WIPI2: variants seen among roughly 807,000 people sequenced by gnomAD.
WIPI2 encodes the protein WD repeat domain, phosphoinositide interacting 2, also known as WD repeat domain phosphoinositide-interacting protein 2.
WIPI2 carries 28 observed loss-of-function variants against 52.3 expected under a neutral mutation model. The observed-to-expected ratio is 0.54, with a 90% CI of 0.40 to 0.73. The LOEUF (loss-of-function observed/expected upper bound fraction) is 0.73. Ranked by LOEUF, WIPI2 falls within the 30% of genes least tolerant of loss-of-function variation. The pLI is 0.00. For synonymous variants in WIPI2, 268 were observed against 245.0 expected (o/e 1.09, Z -0.88); for missense variants, 506 against 602.9 (o/e 0.84, Z 1.68).
At chr7:5,216,533 A>G (rs1277366889) in intron 4 of WIPI2, 30 bp from the exon 5 acceptor site, 12 of 1,602,104 alleles carry the variant, frequency 7.5e-6, no homozygotes, top group Non-Finnish European at 9.4e-6. Context: ...CCGTTGCTTC[A>G]CGTTTGGTTT....
Position 5,229,536 on chromosome 7 carries a change from G to A in WIPI2, c.1122-72G>A, listed in dbSNP as rs575118732. 6 of 1,541,380 alleles carry A rather than the reference G, an allele frequency of 3.9e-6. No individual in the cohort carries two copies. In the East Asian group the frequency reaches 1.4e-4, roughly 37 times the overall value. ...GGTGTGCTGGCTCTGTTGCCGCAGGGCAGCCAGTGTGTACTGCCCGCAGGG... is the reference window on the plus strand; with the variant it reads ...GGTGTGCTGGCTCTGTTGCCGCAGGACAGCCAGTGTGTACTGCCCGCAGGG... On this transcript the variant is annotated intron_variant, in intron 11 of 12. Transcript: ENST00000288828.
Position 5,221,427 on chromosome 7 carries a change from G to A in WIPI2, c.670-1175G>A, listed in dbSNP as rs544990615. Among the ~76,000 whole-genome samples, 3 of 152,272 alleles carry A rather than the reference G, an allele frequency of 2.0e-5. No individual in the cohort carries two copies. The East Asian group carries it at 5.8e-4, about 29-fold the overall frequency. The stretch of plus-strand genomic sequence containing the variant: ...TAACAGTTTGAACCTCCTAAAATTT[G>A]TATAGTAGGAGGGTGAATGTTGAAT... On this transcript the variant is annotated intron_variant, in intron 7 of 12. Transcript: ENST00000288828.
chr7:5,211,247 G>A (rs1782545435), intron 3 of WIPI2, among the ~76,000 whole-genome samples: 1 of 152,172 alleles, frequency 6.6e-6, no homozygotes, highest in Non-Finnish European at 1.5e-5. Context: ...TGAGGCGGGT[G>A]CATCACCTGA....
rs1319465222 is a variant in WIPI2 at position 5,227,479 on chromosome 7, C to T, written c.1013+135C>T. 9.4e-6 allele frequency: 12 copies of T among 1,282,134 alleles called. No homozygotes were observed. Among genetic ancestry groups the T allele is most frequent in the South Asian group, 4.5e-5 (3 of 66,662 alleles). The allele number at this position is 1,282,134 out of a possible 1,614,324, so 79.4% of individuals were successfully genotyped here. ...GAGCCGACACTCCATCGAGAGTTGT[C>T]GGGGATGGGAGGTCCCCTGGCAGGC... On this transcript the variant is annotated intron_variant, in intron 10 of 12. Transcript: ENST00000288828. This position sits in a 1 kb window ranked among gnomAD's most constrained non-coding sequence, Gnocchi z 8.1.
At chr7:5,221,152 G>A (rs546724418) in intron 7 of WIPI2, among the ~76,000 whole-genome samples, 30 of 151,936 alleles carry the variant, frequency 2.0e-4, no homozygotes, top group African/African-American at 1.9e-4. Flanking sequence ...TAGTAGAGAC[G>A]GGGTTTCACC....
rs1782771129 is a variant in WIPI2, at chr7:5,215,518, C to G, written c.381+814C>G. Among the ~76,000 whole-genome samples the G allele has an allele frequency of 2.0e-5, 3 of 152,214 alleles. No individual in the cohort carries two copies. In the South Asian group the frequency reaches 6.2e-4, roughly 32 times the overall value. ...GCTCACGCCCAGGGTAACAGCACCA[C>G]CCGGGAGACCCCTGGCAATCTGATT... is the stretch of plus-strand genomic sequence containing the variant. On this transcript the variant is annotated intron_variant, in intron 4 of 12. Coordinates refer to ENST00000288828, the MANE Select transcript of WIPI2 (RefSeq NM_015610.4).
At chr7:5,229,846 G>T in intron 12 of WIPI2, 108 bp downstream of exon 12, 1 of 1,490,646 alleles carries the variant, frequency 6.7e-7, no homozygotes, top group East Asian at 2.4e-5. Flanking sequence ...TGGGAAAGAT[G>T]GGGACTGGTT....
At chr7:5,228,619 G>A (rs1783564720) in intron 11 of WIPI2, among the ~76,000 whole-genome samples, 2 of 152,254 alleles carry the variant, frequency 1.3e-5, no homozygotes, top group South Asian at 2.1e-4. Flanking sequence ...TTGTCTCACT[G>A]TGAGGTACAG....
chr7:5,231,214 A>C lies in WIPI2; in HGVS notation c.*267A>C, dbSNP rs900365786. 5.4e-6 allele frequency: 2 copies of C among 372,098 alleles called. No homozygotes were observed. Among genetic ancestry groups the C allele is most frequent in the East Asian group, 9.1e-5 (2 of 21,942 alleles). 23.0% of individuals were successfully genotyped at this position (372,098 alleles called of 1,614,324 possible). A position where few individuals can be genotyped will look rare whatever the true frequency, so the allele number is the denominator to read the frequency against. On this transcript the variant is annotated 3_prime_UTR_variant, in exon 13 of 13. Transcript: ENST00000288828. Reference sequence around the variant, plus strand: ...TTTGCCAAAATTAACTGTTTGGTGAAGCCCGCAAAACCTCCTCGCTTTGCA... The same window carrying C: ...TTTGCCAAAATTAACTGTTTGGTGACGCCCGCAAAACCTCCTCGCTTTGCA...
chr7:5,214,803 C>G, intron 4 of WIPI2, 99 bp downstream of exon 4: 2 of 1,382,530 alleles, frequency 1.4e-6, no homozygotes. Flanking sequence ...CATTCCCTTG[C>G]TGCCTGGCCC....
rs912072589 is a variant in WIPI2, at chr7:5,212,349, G to A, written c.212-2186G>A. ...GTACAGGATGCAACCGGGCCAGTGC[G>A]TGCAGCCCCTAATACTACCAAGTAC... On this transcript the variant is annotated intron_variant, in intron 3 of 12. Transcript: ENST00000288828. Among the ~76,000 whole-genome samples the A allele has an allele frequency of 3.9e-5, 6 of 152,292 alleles. No homozygotes were observed. In the East Asian group the frequency reaches 5.8e-4, roughly 15 times the overall value.
intron 3 of WIPI2, among the ~76,000 whole-genome samples, chr7:5,211,126 G>C (rs1177208474): frequency 3.9e-5 from 6 of 152,306 alleles, no homozygotes; most frequent in Admixed American, 3.9e-4. Flanking sequence ...CGAGAAGATA[G>C]GACGTTGCCC....
At chr7:5,208,557 C>T (rs1782403144) in intron 3 of WIPI2, among the ~76,000 whole-genome samples, 1 of 152,088 alleles carries the variant, frequency 6.6e-6, no homozygotes, top group Non-Finnish European at 1.5e-5. Context: ...TACATAAAAG[C>T]TAAAGTTTTT....
At chr7:5,198,383 C>T (rs189136221) in intron 2 of WIPI2, among the ~76,000 whole-genome samples, 37 of 151,966 alleles carry the variant, frequency 2.4e-4, no homozygotes, top group East Asian at 2.3e-3. Flanking sequence ...GCGCAATCTC[C>T]GCTCACTGCA....
At chr7:5,215,448 G>A (rs1782766650) in intron 4 of WIPI2, among the ~76,000 whole-genome samples, 1 of 152,256 alleles carries the variant, frequency 6.6e-6, no homozygotes, top group South Asian at 2.1e-4. Flanking sequence ...GTGGTGGGTG[G>A]CATGTGTGCG....
At chr7:5,207,585 C>T (rs1210786547) in intron 3 of WIPI2, among the ~76,000 whole-genome samples, 1 of 152,110 alleles carries the variant, frequency 6.6e-6, no homozygotes, top group African/African-American at 2.4e-5. Context: ...CTACCATGAA[C>T]ATTCTCGTAC....
At chr7:5,199,689 A>G (rs1266223157) in intron 3 of WIPI2, 31 bp downstream of exon 3, 23 of 237,480 alleles carry the variant, frequency 9.7e-5, no homozygotes, top group Non-Finnish European at 1.6e-4. Context: ...TCCCCTTCTT[A>G]AAAAAAAAAA....
At chr7:5,208,059 C>A (rs1782378596) in intron 3 of WIPI2, among the ~76,000 whole-genome samples, 1 of 152,212 alleles carries the variant, frequency 6.6e-6, no homozygotes. Flanking sequence ...AGCCACCACA[C>A]CCAGCCTCCT....
chr7:5,196,037 CA>C (rs61641210), intron 2 of WIPI2, among the ~76,000 whole-genome samples: 14 of 139,264 alleles, frequency 1.0e-4, no homozygotes, highest in Non-Finnish European at 1.3e-4. Context: ...GACTCCATCT[CA>C]AAAAAAAAAA....
Sources: gnomAD v4.1 joint callset for allele counts (sites outside exome capture counted in the v4.1 genomes callset) on GRCh38, gnomAD v4.1.1 for gene constraint, Gnocchi (gnomAD v3.1) non-coding constraint, MANE v1.5 for transcripts, NCBI Gene and HGNC (gene_info 2026-07-23, HGNC 2026-07-21) for gene names.